Variants in ATP2B2 observed in about 807,000 individuals in gnomAD.
The protein encoded by ATP2B2 is plasma membrane calcium-transporting ATPase 2.
ATP2B2 carries 15 observed loss-of-function variants against 120.0 expected under a neutral mutation model. The ratio of observed to expected loss-of-function variants is 0.12; its 90% CI spans 0.08 to 0.19. The LOEUF (loss-of-function observed/expected upper bound fraction) is 0.19, where lower values mean the gene tolerates loss of function less well. Ranked by LOEUF, ATP2B2 falls within the 10% of genes least tolerant of loss-of-function variation. The probability of loss-of-function intolerance (pLI) is 1.00; values close to 1 mark genes in which losing one functional copy is unlikely to be tolerated. For synonymous variants in ATP2B2, 694 were observed against 700.3 expected (o/e 0.99, Z 0.14); for missense variants, 1,045 against 1,719.8 (o/e 0.61, Z 6.94).
chr3:10,616,374 G>A (rs1431442862), intron 2 of ATP2B2, among the ~76,000 whole-genome samples: 1 of 152,318 alleles, frequency 6.6e-6, no homozygotes, highest in East Asian at 1.9e-4. Context: ...GAGCCAAAGA[G>A]AGAGGACTTA....
chr3:10,483,907 G>A (rs527926215), intron 1 of ATP2B2, among the ~76,000 whole-genome samples: 10 of 149,016 alleles, frequency 6.7e-5, no homozygotes, highest in African/African-American at 2.5e-4. Context: ...GCACCCAGAG[G>A]CCCAGGGATC....
At chr3:10,661,333 G>A (rs6442196) in intron 1 of ATP2B2, among the ~76,000 whole-genome samples, 33,330 of 151,948 alleles carry the variant, frequency 0.22, 6,125 homozygotes, top group African/African-American at 0.5. Context: ...TGACATGACT[G>A]TATATCTAGA....
Position 10,480,251 on chromosome 3 carries a change from C to T in ATP2B2, c.-320+25214G>A, listed in dbSNP as rs186568912. Among the ~76,000 whole-genome samples the T allele has an allele frequency of 3.2e-3, 484 of 152,282 alleles. 3 individuals are homozygous for T. The highest frequency in any genetic ancestry group is 0.011 in the African/African-American group (472 of 41,530). ...GCAGGCCCTCTCTCAGAATCAGTTT[C>T]CTCATCAGTAAAATGAGGCTAACAA... On this transcript the variant is annotated intron_variant, in intron 1 of 22. Transcript: ENST00000360273.
chr3:10,649,859 G>A (rs146714827), intron 1 of ATP2B2, among the ~76,000 whole-genome samples: 4 of 152,350 alleles, frequency 2.6e-5, no homozygotes, highest in South Asian at 2.1e-4. Context: ...CTCTTCTCCT[G>A]TGTACCACCA....
At chr3:10,460,231 C>T (rs1178734481) in intron 1 of ATP2B2, among the ~76,000 whole-genome samples, 1 of 152,212 alleles carries the variant, frequency 6.6e-6, no homozygotes, top group Admixed American at 6.5e-5. Context: ...CTAACCTAGG[C>T]TGGGAGTGAG....
intron 2 of ATP2B2, among the ~76,000 whole-genome samples, chr3:10,413,307 G>GCCTCCAA (rs2062675354): frequency 2.0e-5 from 3 of 152,238 alleles, no homozygotes; most frequent in Admixed American, 6.5e-5. Context: ...ATCTCCATCA[G>GCCTCCAA]GAGCCTCCAA....
chr3:10,340,105 C>G lies in ATP2B2; in HGVS notation c.3237+137G>C, dbSNP rs1559530016. 1 of 825,258 alleles carries G rather than the reference C, an allele frequency of 1.2e-6. No homozygotes were observed. The highest frequency in any genetic ancestry group is 1.7e-5 in the African/African-American group (1 of 59,608). 51.1% of individuals were successfully genotyped at this position (825,258 alleles called of 1,614,324 possible). A position where few individuals can be genotyped will look rare whatever the true frequency, so the allele number is the denominator to read the frequency against. ...CAGTATAGGACCTGGGACAAACCCC[C>G]TTGCTCAGATGTCCAGAGATAGGGA... On this transcript the variant is annotated intron_variant, in intron 21 of 22. Transcript: ENST00000360273. The surrounding 1 kb of genome is among the most constrained non-coding windows in gnomAD (Gnocchi z 5.0).
At chr3:10,662,205 C>A (rs931884168) in intron 1 of ATP2B2, among the ~76,000 whole-genome samples, 26 of 151,932 alleles carry the variant, frequency 1.7e-4, no homozygotes, top group Admixed American at 4.6e-4. Context: ...TCTAAAATAC[C>A]AAAAGCAATG....
intron 1 of ATP2B2, among the ~76,000 whole-genome samples, chr3:10,657,252 C>T (rs1347303985): frequency 6.6e-6 from 1 of 152,208 alleles, no homozygotes; most frequent in African/African-American, 2.4e-5. Flanking sequence ...GCCTTTTACA[C>T]CCCTGTGCCT....
intron 1 of ATP2B2, among the ~76,000 whole-genome samples, chr3:10,496,648 C>G (rs1266884683): frequency 6.6e-6 from 1 of 152,196 alleles, no homozygotes; most frequent in Non-Finnish European, 1.5e-5. Flanking sequence ...ACATTGCACT[C>G]CACACGCAGA....
intron 14 of ATP2B2, among the ~76,000 whole-genome samples, chr3:10,352,846 G>A (rs921929427): frequency 5.9e-5 from 9 of 152,224 alleles, no homozygotes; most frequent in Non-Finnish European, 7.3e-5. Context: ...TCCTGGGAAC[G>A]CACACCTTAT....
chr3:10,441,432 G>A (rs886995516), intron 2 of ATP2B2, among the ~76,000 whole-genome samples: 1 of 152,170 alleles, frequency 6.6e-6, no homozygotes, highest in African/African-American at 2.4e-5. Flanking sequence ...TAGAGATGGG[G>A]TTCCACCATG....
intron 1 of ATP2B2, among the ~76,000 whole-genome samples, chr3:10,494,817 C>T (rs1355396642): frequency 1.3e-5 from 2 of 152,174 alleles, no homozygotes; most frequent in African/African-American, 2.4e-5. Flanking sequence ...GTGGGGGCTA[C>T]GTACATATCT....
chr3:10,481,858 C>T (rs1166842759), intron 1 of ATP2B2, among the ~76,000 whole-genome samples: 1 of 152,154 alleles, frequency 6.6e-6, no homozygotes, highest in African/African-American at 2.4e-5. Flanking sequence ...CCCACCTCTG[C>T]TATATTCTAA....
intron 2 of ATP2B2, among the ~76,000 whole-genome samples, chr3:10,557,731 T>A (rs997037224): frequency 6.6e-6 from 1 of 152,206 alleles, no homozygotes; most frequent in Non-Finnish European, 1.5e-5. Flanking sequence ...TCTGTTTTTA[T>A]CTTTCACCCA....
At chr3:10,337,294 G>A (rs2060144359) in intron 22 of ATP2B2, among the ~76,000 whole-genome samples, 1 of 152,154 alleles carries the variant, frequency 6.6e-6, no homozygotes, top group South Asian at 2.1e-4. Context: ...CAGCTGGCAG[G>A]ATGGTGGCCA....
At chr3:10,378,539 G>T in intron 9 of ATP2B2, 129 bp from the exon 10 acceptor site, 1 of 1,241,880 alleles carries the variant, frequency 8.1e-7, no homozygotes, top group Non-Finnish European at 1.1e-6. Flanking sequence ...CCTGGACTGA[G>T]CCCCGCATGG....
At chr3:10,595,344 C>T (rs1054976796) in intron 2 of ATP2B2, among the ~76,000 whole-genome samples, 3 of 152,194 alleles carry the variant, frequency 2.0e-5, no homozygotes, top group Non-Finnish European at 2.9e-5. Context: ...GGCATCTCCT[C>T]TTCTAGGTGC....
chr3:10,471,339 T>C (rs1212005148), intron 1 of ATP2B2, among the ~76,000 whole-genome samples: 2 of 150,202 alleles, frequency 1.3e-5, no homozygotes, highest in Admixed American at 1.3e-4. Flanking sequence ...GCTTGGACTT[T>C]GGTTTTAAAA....
Sources: gnomAD v4.1 joint callset for allele counts (sites outside exome capture counted in the v4.1 genomes callset) on GRCh38, gnomAD v4.1.1 for gene constraint, Gnocchi (gnomAD v3.1) non-coding constraint, MANE v1.5 for transcripts, NCBI Gene and HGNC (gene_info 2026-07-23, HGNC 2026-07-21) for gene names.